KDM2B: variants seen among roughly 807,000 people sequenced by gnomAD.
KDM2B encodes lysine demethylase 2B.
KDM2B carries 26 observed loss-of-function variants against 150.0 expected under a neutral mutation model. That is an observed-to-expected ratio of 0.17 (90% CI 0.13 to 0.24). The LOEUF is 0.24. Ranked by LOEUF, KDM2B falls within the 10% of genes least tolerant of loss-of-function variation. The pLI, the probability that KDM2B is intolerant of heterozygous loss-of-function variation, is 1.00. For missense variants in KDM2B, 1,265 were observed against 1,816.9 expected, an observed-to-expected ratio of 0.70 and a Z score of 5.52; for synonymous variants, 734 against 729.5, an observed-to-expected ratio of 1.01 and a Z score of -0.10.
chr12:121,578,587 C>T (rs1447816445), intron 2 of KDM2B, among the ~76,000 whole-genome samples: 2 of 151,960 alleles, frequency 1.3e-5, no homozygotes, highest in African/African-American at 2.4e-5. Context: ...GTGGTGGGCG[C>T]GGGCCGGGCC....
At chr12:121,548,770 G>A in intron 6 of KDM2B, 107 bp downstream of exon 6, 1 of 811,730 alleles carries the variant, frequency 1.2e-6, no homozygotes, top group Non-Finnish European at 2.1e-6. Flanking sequence ...GAGCGGTTGT[G>A]ACGCTCAAGC....
chr12:121,509,534 G>A (rs377330956), intron 11 of KDM2B, 33 bp downstream of exon 11: 67 of 1,602,100 alleles, frequency 4.2e-5, no homozygotes, highest in Non-Finnish European at 4.5e-5. Context: ...GGCCCTCCTC[G>A]GCCGCCCAGC....
At chr12:121,432,954 C>CAG (rs1312715140) in intron 22 of KDM2B, among the ~76,000 whole-genome samples, 1 of 152,236 alleles carries the variant, frequency 6.6e-6, no homozygotes, top group Non-Finnish European at 1.5e-5. Context: ...ATCTGGCTGG[C>CAG]ACACTGCTGT....
At chr12:121,572,860 C>T (rs1891211105) in intron 4 of KDM2B, among the ~76,000 whole-genome samples, 1 of 148,798 alleles carries the variant, frequency 6.7e-6, no homozygotes, top group South Asian at 2.1e-4. Flanking sequence ...GAGTCTTGCT[C>T]CGTCACCCAG....
chr12:121,423,858 A>G, the KDM2B span: 1 of 375,318 alleles, frequency 2.7e-6, no homozygotes, highest in Non-Finnish European at 4.9e-6. The surrounding 1 kb of genome is among the most constrained non-coding windows in gnomAD (Gnocchi z 4.3). Context: ...TGTGGGCATC[A>G]GCCACTGCTG....
intron 12 of KDM2B, among the ~76,000 whole-genome samples, chr12:121,484,747 G>A (rs888231228): frequency 2.0e-5 from 3 of 152,174 alleles, no homozygotes; most frequent in African/African-American, 4.8e-5. Flanking sequence ...GAGCCCGGGA[G>A]GTCGAGGCTG....
chr12:121,441,386 C>A, intron 19 of KDM2B, 153 bp from the exon 20 acceptor site: 1 of 650,876 alleles, frequency 1.5e-6, no homozygotes, highest in Admixed American at 3.0e-5. Context: ...ATCCTGCCCC[C>A]ACGCGGGCAC....
At chr12:121,522,181 G>A (rs1339562150) in intron 8 of KDM2B, among the ~76,000 whole-genome samples, 3 of 151,980 alleles carry the variant, frequency 2.0e-5, no homozygotes, top group African/African-American at 7.3e-5. Flanking sequence ...GGCTTTTCAG[G>A]CCTTAACTCA....
intron 6 of KDM2B, chr12:121,536,172 GT>G (rs1339156446): frequency 1.0e-5 from 9 of 870,306 alleles, no homozygotes; most frequent in Middle Eastern, 5.9e-4. Flanking sequence ...AGGGCTCCTG[GT>G]GCCCCCTCCC....
intron 11 of KDM2B, among the ~76,000 whole-genome samples, chr12:121,502,942 A>T (rs186054714): frequency 7.7e-4 from 113 of 146,502 alleles, no homozygotes; most frequent in Middle Eastern, 7.0e-3. Context: ...AAAAAATAAA[A>T]TTTTTTTTTT....
rs1196223057 is a variant in KDM2B, at chr12:121,521,891, T to C, written c.932-791A>G. On this transcript the variant is annotated intron_variant, in intron 8 of 22. Coordinates refer to ENST00000377071, the MANE Select transcript of KDM2B (RefSeq NM_032590.5). The surrounding 1 kb of genome is among the most constrained non-coding windows in gnomAD (Gnocchi z 4.9). ...TGGGAGGCTGAGGCGGGAAGATCGC[T>C]TGAGCTCAGCAGTTTGAGATCAGCC... Among the ~76,000 whole-genome samples, 4 of 151,574 alleles carry C rather than the reference T, an allele frequency of 2.6e-5. No homozygotes were observed. The highest frequency in any genetic ancestry group is 9.7e-5 in the African/African-American group (4 of 41,346).
intron 8 of KDM2B, among the ~76,000 whole-genome samples, chr12:121,527,267 A>T (rs1354216136): frequency 7.2e-6 from 1 of 139,538 alleles, no homozygotes; most frequent in Non-Finnish European, 1.5e-5. Context: ...CGTGTTAGCC[A>T]GGATGGTCTC....
chr12:121,555,378 AT>A (rs1217899976), intron 4 of KDM2B, among the ~76,000 whole-genome samples: 3 of 152,062 alleles, frequency 2.0e-5, no homozygotes, highest in Admixed American at 6.6e-5. Context: ...GGGTAATTTT[AT>A]TTTTTTCTTT....
At chr12:121,474,302 G>A (rs1246441480) in intron 12 of KDM2B, among the ~76,000 whole-genome samples, 10 of 151,546 alleles carry the variant, frequency 6.6e-5, no homozygotes, top group African/African-American at 1.9e-4. Context: ...TCACGAGGTC[G>A]GGAGATCAAA....
the KDM2B span, chr12:121,420,840 T>G: frequency 2.4e-6 from 3 of 1,271,464 alleles, no homozygotes; most frequent in South Asian, 1.2e-5. Flanking sequence ...AAAACTGGGT[T>G]GTTTTTGTCA....
chr12:121,503,935 G>C (rs368346463), intron 11 of KDM2B, among the ~76,000 whole-genome samples: 1 of 152,202 alleles, frequency 6.6e-6, no homozygotes, highest in African/African-American at 2.4e-5. Context: ...ACAGAAAGGC[G>C]GACTGGCTTG....
intron 10 of KDM2B, among the ~76,000 whole-genome samples, chr12:121,511,279 GA>G (rs1885563501): frequency 6.9e-6 from 1 of 145,384 alleles, no homozygotes; most frequent in South Asian, 2.1e-4. Context: ...AAAATGCTAG[GA>G]ATTTTTTTTT....
chr12:121,580,252 T>TA (rs1555317705), intron 1 of KDM2B: 1 of 700,382 alleles, frequency 1.4e-6, no homozygotes, highest in Non-Finnish European at 1.8e-6. Flanking sequence ...TCAGCAGTTG[T>TA]GGGGGGGGGG....
intron 1 of KDM2B, chr12:121,580,010 A>G (rs782520471): frequency 8.8e-5 from 135 of 1,540,234 alleles, no homozygotes; most frequent in Non-Finnish European, 1.1e-4. Context: ...AAAAAAAAAA[A>G]GCTACACACC....
Sources: allele counts gnomAD v4.1 joint callset (sites outside exome capture counted in the v4.1 genomes callset), GRCh38; gene constraint gnomAD v4.1.1; non-coding constraint Gnocchi (gnomAD v3.1); transcripts MANE v1.5; gene names NCBI Gene and HGNC (gene_info 2026-07-23, HGNC 2026-07-21).